The following WDR7 variants were observed in gnomAD, a reference collection of about 807,000 sequenced individuals.
WDR7 encodes the protein WD repeat-containing protein 7.
WDR7 carries 46 observed loss-of-function variants against 169.4 expected under a neutral mutation model. The observed-to-expected ratio is 0.27, with a 90% CI of 0.21 to 0.35. The LOEUF (loss-of-function observed/expected upper bound fraction) is 0.35. WDR7 is among the 10% of genes least tolerant of loss of function. The probability of loss-of-function intolerance (pLI) is 1.00; values close to 1 mark genes in which losing one functional copy is unlikely to be tolerated. For missense variants in WDR7, 1,534 were observed against 1,859.3 expected (o/e 0.83, Z 3.22); for synonymous variants, 612 against 666.8 (o/e 0.92, Z 1.27).
chr18:56,679,299 G>C (rs762963766), intron 2 of WDR7, 33 bp from the exon 3 acceptor site: 1 of 1,540,982 alleles, frequency 6.5e-7, no homozygotes, highest in Non-Finnish European at 9.0e-7. Flanking sequence ...TTTTAAGTTT[G>C]GTACTTAAAC....
At chr18:56,860,534 T>C (rs1568235174) in intron 20 of WDR7, among the ~76,000 whole-genome samples, 1 of 152,128 alleles carries the variant, frequency 6.6e-6, no homozygotes, top group Non-Finnish European at 1.5e-5. Flanking sequence ...AGTAACCCTA[T>C]AATAATAAAC....
At chr18:56,858,611 CTG>C (rs2045757095) in intron 20 of WDR7, among the ~76,000 whole-genome samples, 1 of 152,146 alleles carries the variant, frequency 6.6e-6, no homozygotes, top group African/African-American at 2.4e-5. Flanking sequence ...AGCCACCGTG[CTG>C]GCCTACTTCA....
At chr18:56,861,943 G>A (rs2045809490) in intron 20 of WDR7, among the ~76,000 whole-genome samples, 1 of 151,988 alleles carries the variant, frequency 6.6e-6, no homozygotes, top group African/African-American at 2.4e-5. Context: ...AAAAATTTCA[G>A]TGATTCTTGT....
intron 2 of WDR7, among the ~76,000 whole-genome samples, chr18:56,677,101 A>T (rs1455254775): frequency 2.6e-5 from 4 of 152,184 alleles, no homozygotes; most frequent in African/African-American, 9.7e-5. Flanking sequence ...GTACCTTCAG[A>T]TGCTCACTAA....
intron 21 of WDR7, among the ~76,000 whole-genome samples, chr18:56,898,482 A>T (rs80289802): frequency 0.013 from 1,916 of 152,180 alleles, 52 homozygotes; most frequent in African/African-American, 0.044. Flanking sequence ...CTCCACTGTA[A>T]TTCGTTAGCT....
At chr18:56,885,365 A>G (rs938131718) in intron 21 of WDR7, among the ~76,000 whole-genome samples, 2 of 152,186 alleles carry the variant, frequency 1.3e-5, no homozygotes. Flanking sequence ...GGTGAAGTTC[A>G]ACTTAATGAA....
intron 20 of WDR7, among the ~76,000 whole-genome samples, chr18:56,836,001 G>T (rs771966419): frequency 1.3e-5 from 2 of 152,130 alleles, no homozygotes; most frequent in Admixed American, 6.5e-5. Flanking sequence ...TTGAATATGA[G>T]ATGCTTTCTT....
At chr18:56,955,036 C>T (rs2047232840) in intron 25 of WDR7, among the ~76,000 whole-genome samples, 1 of 152,088 alleles carries the variant, frequency 6.6e-6, no homozygotes, top group African/African-American at 2.4e-5. Context: ...TAGAACAGTG[C>T]ATGAGCTCAT....
intron 20 of WDR7, among the ~76,000 whole-genome samples, chr18:56,850,122 T>C (rs1366955029): frequency 6.6e-6 from 1 of 152,228 alleles, no homozygotes; most frequent in Admixed American, 6.5e-5. Context: ...GAGTCTGAGC[T>C]CAGGTGCCAG....
chr18:56,737,326 C>T (rs973162925), intron 14 of WDR7, among the ~76,000 whole-genome samples: 8 of 152,244 alleles, frequency 5.3e-5, no homozygotes, highest in African/African-American at 1.9e-4. Context: ...CATGGTTCTT[C>T]GTAAAGAGAT....
At chr18:56,755,356 G>C (rs191612539) in intron 14 of WDR7, among the ~76,000 whole-genome samples, 4 of 152,192 alleles carry the variant, frequency 2.6e-5, no homozygotes, top group Non-Finnish European at 4.4e-5. Flanking sequence ...CATGATAATG[G>C]AAATTTTTTG....
chr18:56,946,397 T>C (rs2047103535), intron 25 of WDR7, among the ~76,000 whole-genome samples: 1 of 152,224 alleles, frequency 6.6e-6, no homozygotes, highest in Non-Finnish European at 1.5e-5. Context: ...ACATTTCTTT[T>C]AAATCTAGAT....
At chr18:57,018,195 T>C (rs2048234254) in intron 26 of WDR7, among the ~76,000 whole-genome samples, 1 of 152,202 alleles carries the variant, frequency 6.6e-6, no homozygotes, top group African/African-American at 2.4e-5. Flanking sequence ...GTTTTGAAAC[T>C]GAGGGGCCCA....
intron 5 of WDR7, among the ~76,000 whole-genome samples, chr18:56,685,468 C>G (rs1442379378): frequency 6.6e-6 from 1 of 152,116 alleles, no homozygotes. Flanking sequence ...AGTCCCTTAC[C>G]TGAAGCTTAG....
intron 16 of WDR7, among the ~76,000 whole-genome samples, chr18:56,773,251 G>T (rs978541744): frequency 6.6e-6 from 1 of 152,104 alleles, no homozygotes; most frequent in African/African-American, 2.4e-5. Flanking sequence ...CTGGTAGTAC[G>T]ATGCTAAAGG....
At chr18:56,837,806 C>T (rs993379788) in intron 20 of WDR7, among the ~76,000 whole-genome samples, 33 of 151,646 alleles carry the variant, frequency 2.2e-4, no homozygotes, top group African/African-American at 7.7e-4. Flanking sequence ...ATTACAGGTG[C>T]CCACCACCAT....
At chr18:56,788,318 T>C (rs1406307451) in intron 19 of WDR7, among the ~76,000 whole-genome samples, 1 of 152,200 alleles carries the variant, frequency 6.6e-6, no homozygotes, top group Non-Finnish European at 1.5e-5. Context: ...TTTTATATAG[T>C]AGTTTTTACT....
intron 19 of WDR7, 66 bp from the exon 20 acceptor site, chr18:56,815,965 C>A: frequency 7.4e-7 from 1 of 1,345,034 alleles, no homozygotes; most frequent in Non-Finnish European, 1.0e-6. Flanking sequence ...TAAAAATCTT[C>A]AAACTTTCTG....
chr18:56,900,110 A>ATATATATATAT (rs1568256012), intron 21 of WDR7, among the ~76,000 whole-genome samples: 8 of 147,796 alleles, frequency 5.4e-5, no homozygotes, highest in African/African-American at 9.9e-5. Flanking sequence ...ATATATATAT[A>ATATATATATAT]AAATTGTTAA....
Sources: gnomAD v4.1 joint callset for allele counts (sites outside exome capture counted in the v4.1 genomes callset) on GRCh38, gnomAD v4.1.1 for gene constraint, MANE v1.5 for transcripts, NCBI Gene and HGNC (gene_info 2026-07-23, HGNC 2026-07-21) for gene names.